MAML3: variants seen among roughly 807,000 people sequenced by gnomAD.
MAML3 encodes mastermind like transcriptional coactivator 3.
Under a neutral mutation model 101.9 loss-of-function variants are expected in MAML3, and 27 were observed. The ratio of observed to expected loss-of-function variants is 0.27; its 90% CI spans 0.20 to 0.37. The LOEUF (loss-of-function observed/expected upper bound fraction) is 0.37. MAML3 is among the 10% of genes least tolerant of loss of function. The pLI is 1.00. For missense variants in MAML3, 1,316 were observed against 1,444.9 expected (o/e 0.91, Z 1.45); for synonymous variants, 501 against 555.9 (o/e 0.90, Z 1.39).
intron 2 of MAML3, among the ~76,000 whole-genome samples, chr4:139,882,893 C>A (rs1402347156): frequency 6.6e-6 from 1 of 152,074 alleles, no homozygotes; most frequent in Non-Finnish European, 1.5e-5. Flanking sequence ...ACAACAAAAC[C>A]TATAATTCTA....
intron 2 of MAML3, among the ~76,000 whole-genome samples, chr4:139,767,620 T>C (rs527804246): frequency 5.9e-5 from 9 of 152,384 alleles, no homozygotes; most frequent in Non-Finnish European, 1.3e-4. Context: ...AGTCCCATTA[T>C]AGCTCCTTTC....
chr4:139,733,504 CT>C (rs1042103917), intron 2 of MAML3, among the ~76,000 whole-genome samples: 1 of 149,202 alleles, frequency 6.7e-6, no homozygotes, highest in Non-Finnish European at 1.5e-5. Context: ...CATCAAACCA[CT>C]TTTTGCCCGT....
intron 2 of MAML3, among the ~76,000 whole-genome samples, chr4:139,750,834 C>T (rs968071485): frequency 5.9e-5 from 9 of 152,158 alleles, no homozygotes; most frequent in African/African-American, 1.9e-4. Context: ...ACTCCCTACC[C>T]CCTTTTAAAA....
intron 1 of MAML3, among the ~76,000 whole-genome samples, chr4:140,054,316 C>T (rs1011408151): frequency 1.3e-4 from 20 of 150,104 alleles, no homozygotes; most frequent in African/African-American, 1.7e-4. Context: ...CTGCAGTGAG[C>T]CAAGATTGCA....
chr4:139,964,212 G>T (rs571799220), intron 1 of MAML3, among the ~76,000 whole-genome samples: 10 of 152,204 alleles, frequency 6.6e-5, no homozygotes, highest in Non-Finnish European at 1.3e-4. Context: ...TGATAGACTG[G>T]ATAAAGAACA....
At chr4:140,068,924 C>T (rs528478236) in intron 1 of MAML3, among the ~76,000 whole-genome samples, 5 of 152,292 alleles carry the variant, frequency 3.3e-5, no homozygotes, top group South Asian at 4.1e-4. Flanking sequence ...TTCCTCTCTA[C>T]CTCCCTATTG....
rs1728019077 is a variant in MAML3, at chr4:139,717,347, A to G, written c.*1976T>C. 6.6e-6 allele frequency: 1 copy of G among 152,506 alleles called. No homozygotes were observed. The highest frequency in any genetic ancestry group is 1.5e-5 in the Non-Finnish European group (1 of 68,022). The allele number at this position is 152,506 out of a possible 1,614,324, so 9.4% of individuals were successfully genotyped here. ...TTCCTGTACCTTTCAGGAAAAGGTA[A>G]TTATGTTTTGTGTCTTCTCATTTGT... On this transcript the variant is annotated 3_prime_UTR_variant, in exon 5 of 5. Transcript: ENST00000509479.
At chr4:139,758,099 T>G (rs985188815) in intron 2 of MAML3, among the ~76,000 whole-genome samples, 13 of 152,228 alleles carry the variant, frequency 8.5e-5, no homozygotes, top group African/African-American at 3.1e-4. Context: ...AGTTAGGACC[T>G]AATGACTTAG....
At chr4:140,034,499 G>A (rs2110896574) in intron 1 of MAML3, among the ~76,000 whole-genome samples, 1 of 152,198 alleles carries the variant, frequency 6.6e-6, no homozygotes, top group East Asian at 1.9e-4. Flanking sequence ...GGATCAGAAG[G>A]AAAGGCTGGG....
intron 2 of MAML3, among the ~76,000 whole-genome samples, chr4:139,865,504 T>TG (rs1731880911): frequency 6.6e-6 from 1 of 151,026 alleles, no homozygotes; most frequent in African/African-American, 2.4e-5. Flanking sequence ...TTGTTTTTTT[T>TG]TTTTTTCATT....
chr4:139,880,229 T>G (rs1044161826), intron 2 of MAML3, among the ~76,000 whole-genome samples: 1 of 152,154 alleles, frequency 6.6e-6, no homozygotes, highest in Non-Finnish European at 1.5e-5. Context: ...AGCTCATTCC[T>G]TTCCTAAAAT....
At chr4:140,091,221 T>C (rs1175351124) in intron 1 of MAML3, among the ~76,000 whole-genome samples, 3 of 152,282 alleles carry the variant, frequency 2.0e-5, no homozygotes, top group East Asian at 3.9e-4. Context: ...CAGGTACAAC[T>C]GCTTTTTCCT....
At chr4:140,058,460 T>C (rs1269507399) in intron 1 of MAML3, among the ~76,000 whole-genome samples, 1 of 151,952 alleles carries the variant, frequency 6.6e-6, no homozygotes, top group Non-Finnish European at 1.5e-5. Flanking sequence ...ACCTAACATT[T>C]GATGTAATTT....
intron 2 of MAML3, among the ~76,000 whole-genome samples, chr4:139,864,831 A>G (rs1043460612): frequency 2.9e-4 from 44 of 151,498 alleles, no homozygotes; most frequent in African/African-American, 9.9e-4. Flanking sequence ...TAGGACTCTC[A>G]AGGAATCTCA....
intron 1 of MAML3, among the ~76,000 whole-genome samples, chr4:140,125,300 G>T (rs1437907475): frequency 6.6e-6 from 1 of 152,154 alleles, no homozygotes; most frequent in Non-Finnish European, 1.5e-5. Flanking sequence ...AGGTGCAGTG[G>T]TACATGCCTG....
chr4:139,921,301 A>G (rs1215657100), intron 1 of MAML3, among the ~76,000 whole-genome samples: 1 of 151,962 alleles, frequency 6.6e-6, no homozygotes, highest in Non-Finnish European at 1.5e-5. Flanking sequence ...TTCCCTCTCT[A>G]TGGCTGGCTG....
chr4:139,867,806 T>G (rs1449344835), intron 2 of MAML3, among the ~76,000 whole-genome samples: 1 of 152,256 alleles, frequency 6.6e-6, no homozygotes, highest in Non-Finnish European at 1.5e-5. Flanking sequence ...AATAACTTAC[T>G]GAAGACCCTG....
At chr4:139,912,027 T>C (rs1377846809) in intron 1 of MAML3, among the ~76,000 whole-genome samples, 3 of 152,246 alleles carry the variant, frequency 2.0e-5, no homozygotes, top group African/African-American at 7.2e-5. Flanking sequence ...TATACAAATA[T>C]CTCTTGTAGA....
intron 2 of MAML3, among the ~76,000 whole-genome samples, chr4:139,841,737 A>G (rs1008229561): frequency 6.6e-6 from 1 of 152,200 alleles, no homozygotes; most frequent in East Asian, 1.9e-4. Context: ...AGAAGAAACA[A>G]TGCTTTGTCT....
Sources: allele counts gnomAD v4.1 joint callset (sites outside exome capture counted in the v4.1 genomes callset), GRCh38; gene constraint gnomAD v4.1.1; transcripts MANE v1.5; gene names NCBI Gene and HGNC (gene_info 2026-07-23, HGNC 2026-07-21).